Variants in ELMO1 observed in about 807,000 individuals in gnomAD.
ELMO1 encodes engulfment and cell motility protein 1.
ELMO1 carries 26 observed loss-of-function variants against 98.9 expected under a neutral mutation model. The observed-to-expected ratio is 0.26, with a 90% CI of 0.19 to 0.36. The LOEUF (loss-of-function observed/expected upper bound fraction) is 0.36. Ranked by LOEUF, ELMO1 falls within the 10% of genes least tolerant of loss-of-function variation. The pLI, the probability that ELMO1 is intolerant of heterozygous loss-of-function variation, is 1.00. For missense variants in ELMO1, 627 were observed against 935.2 expected (o/e 0.67, Z 4.30); for synonymous variants, 346 against 346.0 (o/e 1.00, Z 0.00).
chr7:36,860,120 C>T (rs936744233), intron 21 of ELMO1, among the ~76,000 whole-genome samples: 30 of 152,192 alleles, frequency 2.0e-4, no homozygotes, highest in African/African-American at 6.8e-4. Flanking sequence ...ATAAAATCCA[C>T]ATAACATACA....
At chr7:36,894,112 C>G (rs1306613238) in intron 17 of ELMO1, among the ~76,000 whole-genome samples, 1 of 152,074 alleles carries the variant, frequency 6.6e-6, no homozygotes, top group East Asian at 1.9e-4. Flanking sequence ...ATACGGGTAA[C>G]AAAATTGACC....
At chr7:37,293,092 T>TG (rs767923990) in intron 4 of ELMO1, among the ~76,000 whole-genome samples, 160 of 7,232 alleles carry the variant, frequency 0.022, 52 homozygotes, top group African/African-American at 0.027. Context: ...GGGAGGGAGG[T>TG]GGGGGGGGGT....
intron 1 of ELMO1, chr7:37,351,121 C>T (rs1268513693): frequency 6.6e-6 from 1 of 152,138 alleles, no homozygotes; most frequent in East Asian, 1.9e-4. Context: ...ATTCCAAAAA[C>T]CTTTATAAAA....
chr7:37,431,888 G>T (rs7789862), intron 1 of ELMO1, among the ~76,000 whole-genome samples: 99,826 of 151,778 alleles, frequency 0.66, 33,655 homozygotes, highest in African/African-American at 0.8. Context: ...TTGTTTGTTT[G>T]TTTGTTTTTT....
intron 13 of ELMO1, among the ~76,000 whole-genome samples, chr7:37,201,747 T>G (rs1369340344): frequency 2.6e-5 from 4 of 152,228 alleles, no homozygotes; most frequent in Admixed American, 2.6e-4. Context: ...TGAGAGCCAA[T>G]GGCTGTGTGT....
At chr7:37,293,715 T>TA (rs35978411) in intron 4 of ELMO1, among the ~76,000 whole-genome samples, 53,356 of 65,524 alleles carry the variant, frequency 0.81, 21,907 homozygotes, top group South Asian at 0.93. Context: ...GAATGATCAA[T>TA]AAAAAAAAAA....
rs866783098 is a variant in ELMO1 at position 37,437,830 on chromosome 7, G to A, written c.-74+10845C>T. Among the ~76,000 whole-genome samples, 7 of 58,408 alleles carry A rather than the reference G, an allele frequency of 1.2e-4. 3 individuals carry two copies. The highest frequency in any genetic ancestry group is 4.0e-4 in the African/African-American group (7 of 17,292). The allele number at this position is 58,408 out of a possible 152,430, so 38.3% of individuals were successfully genotyped here. A position where few individuals can be genotyped will look rare whatever the true frequency, so the allele number is the denominator to read the frequency against. On this transcript the variant is annotated intron_variant, in intron 1 of 21. Coordinates refer to ENST00000310758, the MANE Select transcript of ELMO1 (RefSeq NM_014800.11). The stretch of plus-strand genomic sequence containing the variant: ...TAAAAAAATACAAAAAAAATTAGCC[G>A]GGCGCGGTGGCGGGCGCCTGTAGTC...
chr7:37,015,795 T>C (rs935672640), intron 15 of ELMO1, among the ~76,000 whole-genome samples: 1 of 152,176 alleles, frequency 6.6e-6, no homozygotes, highest in African/African-American at 2.4e-5. Flanking sequence ...AATGTGAGTT[T>C]TTCTGTGATT....
At chr7:36,952,016 T>C (rs1788002780) in intron 16 of ELMO1, among the ~76,000 whole-genome samples, 2 of 152,144 alleles carry the variant, frequency 1.3e-5, no homozygotes, top group Non-Finnish European at 1.5e-5. Flanking sequence ...TAGAGAAGGA[T>C]CTGGCAAGGA....
At chr7:37,000,938 T>TACACACAC (rs145766627) in intron 16 of ELMO1, among the ~76,000 whole-genome samples, 5,039 of 147,462 alleles carry the variant, frequency 0.034, 179 homozygotes, top group African/African-American at 0.084. Flanking sequence ...TATATGTGTA[T>TACACACAC]ACACACACAC....
At chr7:37,010,453 C>T (rs959269127) in intron 16 of ELMO1, among the ~76,000 whole-genome samples, 7 of 152,174 alleles carry the variant, frequency 4.6e-5, no homozygotes, top group Admixed American at 4.6e-4. Flanking sequence ...ATCCAGGTCA[C>T]CCAATGTAAT....
At position 37,315,914 on chromosome 7, in the gene ELMO1, A is replaced by T. The variant is rs1173735135; in HGVS notation, c.119+6T>A. 1 of 1,600,614 alleles carries T rather than the reference A, an allele frequency of 6.2e-7. No homozygotes were observed. ...ATGCCTTAGATAAATCCTGAGTAAC[A>T]CTTACCCATCACAGACTTCCTTTAT... is the stretch of plus-strand genomic sequence containing the variant. On this transcript the variant is annotated splice_donor_region_variant and intron_variant, in intron 3 of 21. Transcript: ENST00000310758.
intron 16 of ELMO1, among the ~76,000 whole-genome samples, chr7:36,933,034 TC>T (rs778697954): frequency 2.6e-5 from 4 of 152,172 alleles, no homozygotes; most frequent in Non-Finnish European, 5.9e-5. Flanking sequence ...ATCACTTCTG[TC>T]CCATTCTCAA....
intron 16 of ELMO1, among the ~76,000 whole-genome samples, chr7:37,008,797 T>G (rs1019384153): frequency 1.3e-5 from 2 of 152,132 alleles, no homozygotes; most frequent in Non-Finnish European, 2.9e-5. Flanking sequence ...TGCACGAAAT[T>G]TACAGTAGCT....
At position 37,318,125 on chromosome 7, in the gene ELMO1, G is replaced by C. The variant is rs17170985; in HGVS notation, c.79-2165C>G. ...TCTACTGTAGTTACATGTTACATAA[G>C]TCCTAGGCCTTTGCAAGAAGCTGTC... On this transcript the variant is annotated intron_variant, in intron 2 of 21. Transcript: ENST00000310758. Among the ~76,000 whole-genome samples, 224 of 152,334 alleles carry C rather than the reference G, an allele frequency of 1.5e-3. 1 individual carries two copies. Among genetic ancestry groups the C allele is most frequent in the African/African-American group, 5.4e-3 (223 of 41,578 alleles).
intron 16 of ELMO1, among the ~76,000 whole-genome samples, chr7:36,952,356 G>A (rs1318521381): frequency 3.9e-5 from 6 of 152,208 alleles, no homozygotes; most frequent in Admixed American, 3.3e-4. Context: ...GTGGGAGAGA[G>A]ATGGAGCTGG....
chr7:37,294,351 C>T (rs915899644), intron 4 of ELMO1, among the ~76,000 whole-genome samples: 2 of 128,498 alleles, frequency 1.6e-5, no homozygotes, highest in African/African-American at 5.3e-5. Flanking sequence ...AGCGAGAAGC[C>T]ATTTAAAAAA....
intron 16 of ELMO1, among the ~76,000 whole-genome samples, chr7:36,898,096 CAA>C (rs533969575): frequency 9.3e-4 from 141 of 152,318 alleles, no homozygotes; most frequent in African/African-American, 3.3e-3. Context: ...TTTAAGAAGA[CAA>C]AAGAGTTACA....
At chr7:37,254,065 G>A (rs189183890) in intron 6 of ELMO1, among the ~76,000 whole-genome samples, 23 of 152,222 alleles carry the variant, frequency 1.5e-4, no homozygotes, top group South Asian at 4.1e-4. Flanking sequence ...TAATCTTAGC[G>A]AAAGATCTGA....
Sources: allele counts gnomAD v4.1 joint callset (sites outside exome capture counted in the v4.1 genomes callset), GRCh38; gene constraint gnomAD v4.1.1; transcripts MANE v1.5; gene names NCBI Gene and HGNC (gene_info 2026-07-23, HGNC 2026-07-21).